TBC1D5: variants seen among roughly 807,000 people sequenced by gnomAD.
TBC1D5 encodes the protein TBC1 domain family member 5, also known as TBC1 domain family, member 5.
A neutral mutation model predicts 100.3 loss-of-function variants in TBC1D5; 75 were observed. The observed-to-expected ratio is 0.75, with a 90% CI of 0.62 to 0.91. The LOEUF (loss-of-function observed/expected upper bound fraction) is 0.91. Ranked by LOEUF, TBC1D5 falls within the 40% of genes least tolerant of loss-of-function variation. The pLI is 0.00. For missense variants in TBC1D5, 910 were observed against 942.4 expected, an observed-to-expected ratio of 0.97 and a Z score of 0.45; for synonymous variants, 323 against 325.6, an observed-to-expected ratio of 0.99 and a Z score of 0.09.
At chr3:17,330,534 G>A (rs1012462903) in intron 13 of TBC1D5, among the ~76,000 whole-genome samples, 2 of 151,694 alleles carry the variant, frequency 1.3e-5, no homozygotes, top group African/African-American at 2.4e-5. Context: ...TTCTCAACAC[G>A]TGGCCACGGT....
At chr3:17,667,836 T>G (rs1352640439) in intron 1 of TBC1D5, among the ~76,000 whole-genome samples, 1 of 152,114 alleles carries the variant, frequency 6.6e-6, no homozygotes, top group East Asian at 1.9e-4. Flanking sequence ...AACCTTTTTG[T>G]GGAAGAACCC....
At chr3:17,312,395 G>A (rs1207866660) in intron 13 of TBC1D5, among the ~76,000 whole-genome samples, 1 of 152,024 alleles carries the variant, frequency 6.6e-6, no homozygotes, top group Admixed American at 6.6e-5. Flanking sequence ...AAACTATTTG[G>A]TATCTGAATG....
intron 19 of TBC1D5, among the ~76,000 whole-genome samples, chr3:17,169,959 G>T (rs1420422450): frequency 6.6e-6 from 1 of 152,220 alleles, no homozygotes; most frequent in African/African-American, 2.4e-5. Context: ...TCACAATAGG[G>T]TTTGCGATCC....
intron 18 of TBC1D5, among the ~76,000 whole-genome samples, chr3:17,192,296 T>C (rs1368621735): frequency 6.6e-6 from 1 of 151,920 alleles, no homozygotes; most frequent in Non-Finnish European, 1.5e-5. Flanking sequence ...CCAAGTAATA[T>C]TCTATACTCT....
At chr3:17,450,289 A>T (rs2094895995) in intron 3 of TBC1D5, among the ~76,000 whole-genome samples, 1 of 152,212 alleles carries the variant, frequency 6.6e-6, no homozygotes, top group Non-Finnish European at 1.5e-5. Flanking sequence ...AAACAGCGCA[A>T]AAATGCTGAA....
intron 2 of TBC1D5, among the ~76,000 whole-genome samples, chr3:17,543,395 G>A (rs2096378871): frequency 6.6e-6 from 1 of 152,196 alleles, no homozygotes; most frequent in Non-Finnish European, 1.5e-5. Flanking sequence ...CACCGTGGGA[G>A]GCCAAGGTGG....
At chr3:17,547,805 C>T (rs560953070) in intron 2 of TBC1D5, among the ~76,000 whole-genome samples, 2 of 152,296 alleles carry the variant, frequency 1.3e-5, no homozygotes, top group South Asian at 4.1e-4. Context: ...CTGTTTATTG[C>T]AGTATGTGCA....
chr3:17,186,461 C>A (rs1281081895), intron 18 of TBC1D5, among the ~76,000 whole-genome samples: 2 of 151,940 alleles, frequency 1.3e-5, no homozygotes, highest in Non-Finnish European at 2.9e-5. Flanking sequence ...GTAATCCCAG[C>A]ACTTTGAGAG....
At chr3:17,235,606 T>C (rs2075791902) in intron 17 of TBC1D5, among the ~76,000 whole-genome samples, 1 of 152,196 alleles carries the variant, frequency 6.6e-6, no homozygotes, top group African/African-American at 2.4e-5. Flanking sequence ...AGAAGTATTT[T>C]TCACTGTAGA....
intron 13 of TBC1D5, among the ~76,000 whole-genome samples, chr3:17,348,801 C>A (rs1184510920): frequency 6.6e-6 from 1 of 152,136 alleles, no homozygotes. Flanking sequence ...CTGTTCTCTT[C>A]ATTCTAAGTG....
chr3:17,177,083 C>CTTGGTATTAAGTAA (rs1363376647), intron 19 of TBC1D5, among the ~76,000 whole-genome samples: 2 of 151,906 alleles, frequency 1.3e-5, no homozygotes, highest in African/African-American at 4.8e-5. Flanking sequence ...AGTAAGTTTA[C>CTTGGTATTAAGTAA]CAAAGATGAT....
intron 1 of TBC1D5, among the ~76,000 whole-genome samples, chr3:17,656,242 T>C (rs1271441967): frequency 6.6e-6 from 1 of 152,198 alleles, no homozygotes; most frequent in Non-Finnish European, 1.5e-5. Flanking sequence ...GGACATTGGG[T>C]TGGCACCAGG....
intron 15 of TBC1D5, among the ~76,000 whole-genome samples, chr3:17,269,214 C>T (rs1163933066): frequency 6.6e-6 from 1 of 152,102 alleles, no homozygotes; most frequent in East Asian, 1.9e-4. Context: ...CAGATAACAT[C>T]CAGTACCTCA....
intron 19 of TBC1D5, among the ~76,000 whole-genome samples, chr3:17,175,747 G>A (rs1175496885): frequency 6.6e-6 from 1 of 152,210 alleles, no homozygotes; most frequent in Non-Finnish European, 1.5e-5. Flanking sequence ...CTGGGCTTAA[G>A]ATAAATATAT....
At chr3:17,619,903 T>C (rs1577060620) in intron 2 of TBC1D5, among the ~76,000 whole-genome samples, 1 of 152,154 alleles carries the variant, frequency 6.6e-6, no homozygotes, top group Non-Finnish European at 1.5e-5. Context: ...CTTATACATA[T>C]GAAAAGACAT....
chr3:17,509,396 A>G (rs1327456968), intron 2 of TBC1D5, among the ~76,000 whole-genome samples: 1 of 151,954 alleles, frequency 6.6e-6, no homozygotes, highest in African/African-American at 2.4e-5. Flanking sequence ...GCTGGATTAA[A>G]ATATATATTA....
intron 13 of TBC1D5, among the ~76,000 whole-genome samples, chr3:17,371,213 T>A (rs1052172601): frequency 6.6e-6 from 1 of 152,096 alleles, no homozygotes; most frequent in African/African-American, 2.4e-5. Context: ...GAGGCATCTA[T>A]CTTACTTACA....
intron 1 of TBC1D5, among the ~76,000 whole-genome samples, chr3:17,631,378 T>C (rs1393865097): frequency 2.0e-5 from 3 of 152,208 alleles, no homozygotes; most frequent in Admixed American, 6.5e-5. Flanking sequence ...AGAAGCCTTC[T>C]CTATAACATT....
chr3:17,643,083 A>G (rs1034286329), intron 1 of TBC1D5, among the ~76,000 whole-genome samples: 2 of 152,130 alleles, frequency 1.3e-5, no homozygotes, highest in Admixed American at 1.3e-4. Flanking sequence ...AGGATTCCAC[A>G]TTACCTTTAG....
Sources: gnomAD v4.1 joint callset for allele counts (sites outside exome capture counted in the v4.1 genomes callset) on GRCh38, gnomAD v4.1.1 for gene constraint, MANE v1.5 for transcripts, NCBI Gene and HGNC (gene_info 2026-07-23, HGNC 2026-07-21) for gene names.